C21orf91: variants seen among roughly 807,000 people sequenced by gnomAD.
C21orf91 encodes the protein protein EURL homolog.
A neutral mutation model predicts 32.9 loss-of-function variants in C21orf91; 26 were observed. The observed-to-expected ratio is 0.79, with a 90% CI of 0.58 to 1.10. The LOEUF is 1.10. C21orf91 is among the 50% of genes least tolerant of loss of function. The pLI, the probability that C21orf91 is intolerant of heterozygous loss-of-function variation, is 0.00. For synonymous variants in C21orf91, 126 were observed against 120.4 expected, an observed-to-expected ratio of 1.05 and a Z score of -0.31; for missense variants, 310 against 341.3, an observed-to-expected ratio of 0.91 and a Z score of 0.72.
rs1475045985 is a variant in C21orf91 at position 17,812,334 on chromosome 21, T to C, written c.127+5858A>G. Among the ~76,000 whole-genome samples, 3 of 152,194 alleles carry C rather than the reference T, an allele frequency of 2.0e-5. No homozygotes were observed. In the East Asian group the frequency reaches 5.8e-4, roughly 29 times the overall value. On this transcript the variant is annotated intron_variant, in intron 2 of 4. Transcript: ENST00000284881. ...AAAAAAAAATAACCTTGAGCTTTTATTTTCAAGTTGCTATGGTGTGAATGT... is the reference window on the plus strand; with the variant it reads ...AAAAAAAAATAACCTTGAGCTTTTACTTTCAAGTTGCTATGGTGTGAATGT...
intron 2 of C21orf91, chr21:17,811,586 T>C (rs956481099): frequency 6.6e-6 from 1 of 152,228 alleles, no homozygotes; most frequent in South Asian, 2.1e-4. Context: ...TTATCAGTTT[T>C]CCAGTAACAG....
At chr21:17,800,574 G>A (rs1019737233) in intron 2 of C21orf91, among the ~76,000 whole-genome samples, 3 of 152,144 alleles carry the variant, frequency 2.0e-5, no homozygotes, top group Admixed American at 6.5e-5. Context: ...ATTTACAAGC[G>A]TAAACAGCTC....
At chr21:17,809,761 C>T (rs1440591741) in intron 2 of C21orf91, among the ~76,000 whole-genome samples, 1 of 152,072 alleles carries the variant, frequency 6.6e-6, no homozygotes, top group African/African-American at 2.4e-5. Flanking sequence ...TCTCTAGCTA[C>T]TAGAGAATTT....
At chr21:17,799,873 A>G (rs951658123) in intron 2 of C21orf91, among the ~76,000 whole-genome samples, 4 of 152,170 alleles carry the variant, frequency 2.6e-5, no homozygotes, top group Non-Finnish European at 5.9e-5. Context: ...TTAAAACACC[A>G]AAAACAAATC....
intron 2 of C21orf91, among the ~76,000 whole-genome samples, chr21:17,808,217 G>A (rs2062610916): frequency 6.6e-6 from 1 of 152,228 alleles, no homozygotes; most frequent in South Asian, 2.1e-4. Flanking sequence ...ATGGCTAAAA[G>A]GGCCCAGGAT....
rs183057634 is a variant in C21orf91, at chr21:17,806,263, C to T, written c.128-9145G>A. Among the ~76,000 whole-genome samples, 21 of 152,176 alleles carry T rather than the reference C, an allele frequency of 1.4e-4. 1 individual carries two copies. The highest frequency in any genetic ancestry group is 1.0e-3 in the South Asian group (5 of 4,806). ...CTTACTGCCTAGATAGCTAGGTGATCGCTGGTGAGAGCAAAAGAGGGTGGC... is the reference window on the plus strand; with the variant it reads ...CTTACTGCCTAGATAGCTAGGTGATTGCTGGTGAGAGCAAAAGAGGGTGGC... On this transcript the variant is annotated intron_variant, in intron 2 of 4. Coordinates refer to ENST00000284881, the MANE Select transcript of C21orf91 (RefSeq NM_001100420.2).
chr21:17,810,496 T>C (rs973325327), intron 2 of C21orf91: 10 of 152,272 alleles, frequency 6.6e-5, no homozygotes, highest in Non-Finnish European at 1.0e-4. Flanking sequence ...TTCTCTCAGG[T>C]TGTCCCAGCA....
At chr21:17,802,330 T>C (rs775283125) in intron 2 of C21orf91, among the ~76,000 whole-genome samples, 9 of 152,098 alleles carry the variant, frequency 5.9e-5, no homozygotes, top group South Asian at 2.1e-4. Context: ...GTGGTTAATT[T>C]TTGTGTTTTT....
At chr21:17,818,120 TTACCTTACAATCAG>T in intron 2 of C21orf91, 58 bp downstream of exon 2, 1 of 1,112,204 alleles carries the variant, frequency 9.0e-7, no homozygotes, top group South Asian at 1.6e-5. Flanking sequence ...CATTTTAGTT[TTACCTTACAATCAG>T]TACAAAGCAG....
At position 17,818,267 on chromosome 21, in the gene C21orf91, A is replaced by G; in HGVS notation, c.52T>C (p.Cys18Arg). ...TCTGTTCCCAGTTTACAAACACTGC[A>G]AATGTTGTCATCATTCAAATCAATG... is the stretch of plus-strand genomic sequence containing the variant. ...VNIDLNDDNI[C>R]SVCKLGTDKE... Residue 18 changes from cysteine (C) to arginine (R), a missense_variant, in exon 2 of 5, where the codon TGC (cysteine) becomes CGC (arginine). Transcript: ENST00000284881. 1 of 1,611,774 alleles carries G rather than the reference A, an allele frequency of 6.2e-7. No homozygotes were observed. Among genetic ancestry groups the G allele is most frequent in the Non-Finnish European group, 8.5e-7 (1 of 1,177,894 alleles).
intron 2 of C21orf91, among the ~76,000 whole-genome samples, chr21:17,799,685 T>C (rs796350609): frequency 6.6e-6 from 1 of 152,138 alleles, no homozygotes; most frequent in South Asian, 2.1e-4. Context: ...TGGGTTAGTT[T>C]ATCACACTAG....
In C21orf91 at chr21:17,818,266, C is replaced by A; in HGVS notation, c.53G>T (p.Cys18Phe). 1 of 1,611,372 alleles carries A rather than the reference C, an allele frequency of 6.2e-7. No individual in the cohort carries two copies. The highest frequency in any genetic ancestry group is 8.5e-7 in the Non-Finnish European group (1 of 1,177,586). The part of the protein sequence containing the change: ...VNIDLNDDNI[C>F]SVCKLGTDKE... ...GTCTGTTCCCAGTTTACAAACACTG[C>A]AAATGTTGTCATCATTCAAATCAAT... The change falls in exon 2 of 5, where the codon TGC becomes TTC. Residue 18 changes from cysteine to phenylalanine, a missense_variant. By Grantham distance (205) the Cys-to-Phe change is radical. Coordinates refer to ENST00000284881, the MANE Select transcript of C21orf91 (RefSeq NM_001100420.2).
At chr21:17,801,338 T>G (rs1186350841) in intron 2 of C21orf91, among the ~76,000 whole-genome samples, 1 of 151,646 alleles carries the variant, frequency 6.6e-6, no homozygotes, top group Non-Finnish European at 1.5e-5. Context: ...TGGTGCGATC[T>G]CGGCTTACTG....
At position 17,818,339 on chromosome 21, in the gene C21orf91, G is replaced by C. The variant is rs756147495; in HGVS notation, c.-7-14C>G. ...TTCATAGTGCCCCTATTAAGAAACA[G>C]AAAAGGAAAGTTACACAATTTCATG... On this transcript the variant is annotated splice_polypyrimidine_tract_variant and intron_variant, in intron 1 of 4. Coordinates refer to ENST00000284881, the MANE Select transcript of C21orf91 (RefSeq NM_001100420.2). 8 of 1,588,774 alleles carry C rather than the reference G, an allele frequency of 5.0e-6. No individual in the cohort carries two copies. The highest frequency in any genetic ancestry group is 3.4e-4 in the Middle Eastern group (2 of 5,936).
chr21:17,817,349 A>G (rs2062670409), intron 2 of C21orf91, among the ~76,000 whole-genome samples: 1 of 152,200 alleles, frequency 6.6e-6, no homozygotes, highest in African/African-American at 2.4e-5. Flanking sequence ...GAAAATAAAG[A>G]TCATGAAAAA....
intron 2 of C21orf91, 28 bp from the exon 3 acceptor site, chr21:17,797,146 C>T: frequency 6.7e-7 from 1 of 1,484,024 alleles, no homozygotes. Flanking sequence ...AAACAAAAGA[C>T]TTGAGAAATT....
Position 17,796,581 on chromosome 21 carries a change from C to A in C21orf91, c.664+1G>T, listed in dbSNP as rs770891578. On this transcript the variant is annotated splice_donor_variant, in intron 3 of 4. Coordinates refer to ENST00000284881, the MANE Select transcript of C21orf91 (RefSeq NM_001100420.2). LOFTEE classifies it high-confidence loss of function. ...TTTACTTTTCTCCCCATTTTACTTA[C>A]ATTCCTCTCTGCTGTAATGTGGATG... The A allele has an allele frequency of 3.1e-6, 5 of 1,596,988 alleles. No individual in the cohort carries two copies. Among genetic ancestry groups the A allele is most frequent in the Non-Finnish European group, 2.6e-6 (3 of 1,170,388 alleles).
rs1223942938 is a variant in C21orf91, at chr21:17,799,896, A to G, written c.128-2778T>C. 5.9e-5 allele frequency among the ~76,000 whole-genome samples: 9 copies of G among 152,278 alleles called. No individual in the cohort carries two copies. The East Asian group carries it at 1.5e-3, about 26-fold the overall frequency. On this transcript the variant is annotated intron_variant, in intron 2 of 4. Coordinates refer to ENST00000284881, the MANE Select transcript of C21orf91 (RefSeq NM_001100420.2). ...CCAAAAACAAATCAATTATCACTCAAGGTCCCTTGCAAGGTCCCTCCTAGC... is the reference window on the plus strand; with the variant it reads ...CCAAAAACAAATCAATTATCACTCAGGGTCCCTTGCAAGGTCCCTCCTAGC...
Position 17,796,833 on chromosome 21 carries a change from T to G in C21orf91, c.413A>C (p.Gln138Pro), listed in dbSNP as rs891717972. 3.7e-6 allele frequency: 6 copies of G among 1,613,906 alleles called. No individual in the cohort carries two copies. In the African/African-American group the frequency reaches 8.0e-5, roughly 22 times the overall value. Residue 138 changes from glutamine to proline, a missense_variant, in exon 3 of 5, where the codon CAA (glutamine) becomes CCA (proline). Physicochemically the swap from Gln to Pro is moderately conservative, Grantham distance 76. Coordinates refer to ENST00000284881, the MANE Select transcript of C21orf91 (RefSeq NM_001100420.2). ...EEKLLPQFDS[Q>P]VPKYSAKWID... ...CCATTTTGCAGAATATTTTGGTACT[T>G]GGGAGTCAAACTGTGGGAGTAATTT...
Sources: allele counts gnomAD v4.1 joint callset (sites outside exome capture counted in the v4.1 genomes callset), GRCh38; gene constraint gnomAD v4.1.1; transcripts MANE v1.5; gene names NCBI Gene and HGNC (gene_info 2026-07-23, HGNC 2026-07-21).